Variants in PTPRK observed in about 807,000 individuals in gnomAD.
PTPRK encodes the protein receptor-type tyrosine-protein phosphatase kappa.
PTPRK carries 75 observed loss-of-function variants against 178.0 expected under a neutral mutation model. The observed-to-expected ratio is 0.42, with a 90% CI of 0.35 to 0.51. PTPRK has a LOEUF of 0.51. Ranked by LOEUF, PTPRK falls within the 20% of genes least tolerant of loss-of-function variation. The pLI is 0.02. For missense variants in PTPRK, 1,441 were observed against 1,797.8 expected (o/e 0.80, Z 3.59); for synonymous variants, 637 against 620.6 (o/e 1.03, Z -0.39).
intron 5 of PTPRK, among the ~76,000 whole-genome samples, chr6:128,237,370 G>C (rs1392783051): frequency 6.6e-6 from 1 of 152,144 alleles, no homozygotes; most frequent in Non-Finnish European, 1.5e-5. Flanking sequence ...CTTTCATTGA[G>C]TGCTTCAAGT....
At chr6:128,321,956 G>A (rs187230249) in intron 3 of PTPRK, 83 bp downstream of exon 3, 1 of 1,568,270 alleles carries the variant, frequency 6.4e-7, no homozygotes, top group East Asian at 2.2e-5. Flanking sequence ...ATTACCATGA[G>A]ATGCATATTT....
chr6:128,216,174 C>T (rs927953169), intron 6 of PTPRK, among the ~76,000 whole-genome samples: 1 of 152,008 alleles, frequency 6.6e-6, no homozygotes, highest in African/African-American at 2.4e-5. Flanking sequence ...ATTCAAAATG[C>T]CATCATCTTT....
At chr6:128,479,206 T>A (rs984857726) in intron 1 of PTPRK, among the ~76,000 whole-genome samples, 8 of 152,030 alleles carry the variant, frequency 5.3e-5, no homozygotes, top group African/African-American at 1.9e-4. Context: ...TTCCCCAGCA[T>A]CAATAAAACT....
In PTPRK at chr6:128,229,521, T is replaced by A. The variant is rs114914677; in HGVS notation, c.694-10425A>T. ...CAGAACCTGCATCGTTATCTTGAAA[T>A]ATGATTTCTTACTAAAACTAAACAG... is the stretch of plus-strand genomic sequence containing the variant. On this transcript the variant is annotated intron_variant, in intron 5 of 29. Transcript: ENST00000368226. Among the ~76,000 whole-genome samples the A allele has an allele frequency of 9.8e-3, 1,492 of 152,300 alleles. 19 individuals carry two copies. The highest frequency in any genetic ancestry group is 0.034 in the African/African-American group (1,403 of 41,558).
At chr6:128,208,298 C>CA (rs3058186) in intron 6 of PTPRK, among the ~76,000 whole-genome samples, 11,552 of 104,954 alleles carry the variant, frequency 0.11, 818 homozygotes, top group East Asian at 0.38. Context: ...CCTACACCCT[C>CA]AAAAAAAAAA....
intron 7 of PTPRK, among the ~76,000 whole-genome samples, chr6:128,172,383 C>T (rs1308416899): frequency 6.6e-6 from 1 of 151,778 alleles, no homozygotes; most frequent in Non-Finnish European, 1.5e-5. Context: ...CTTCTCTTCA[C>T]TGAAAGAGAG....
intron 6 of PTPRK, among the ~76,000 whole-genome samples, chr6:128,191,555 A>T (rs771726419): frequency 1.3e-5 from 2 of 151,984 alleles, no homozygotes; most frequent in Non-Finnish European, 2.9e-5. Flanking sequence ...CAACATTTCT[A>T]TGAGAGTAGA....
chr6:128,511,966 T>C (rs928196229), intron 1 of PTPRK, among the ~76,000 whole-genome samples: 2 of 152,166 alleles, frequency 1.3e-5, no homozygotes, highest in Non-Finnish European at 2.9e-5. Flanking sequence ...ATTTTTGCAA[T>C]TGCTTTAGGA....
At chr6:128,129,897 G>A (rs1793950743) in intron 7 of PTPRK, among the ~76,000 whole-genome samples, 1 of 152,106 alleles carries the variant, frequency 6.6e-6, no homozygotes, top group African/African-American at 2.4e-5. Flanking sequence ...AGGAAAAAAT[G>A]CCATCCAAGG....
At chr6:127,975,049 T>G (rs1188492846) in intron 27 of PTPRK, among the ~76,000 whole-genome samples, 1 of 152,130 alleles carries the variant, frequency 6.6e-6, no homozygotes, top group African/African-American at 2.4e-5. Context: ...TTTGATGCAG[T>G]TAAATATATT....
chr6:128,011,003 T>G (rs1778987274), intron 13 of PTPRK, among the ~76,000 whole-genome samples: 2 of 151,272 alleles, frequency 1.3e-5, no homozygotes. Flanking sequence ...ATGTTAGAGA[T>G]CTTTTCCTTT....
chr6:128,340,228 C>A (rs1831483734), intron 2 of PTPRK, among the ~76,000 whole-genome samples: 1 of 152,140 alleles, frequency 6.6e-6, no homozygotes, highest in Non-Finnish European at 1.5e-5. Context: ...GGATCTCTAT[C>A]AAATTTTTAA....
At chr6:128,354,302 A>G (rs1359222158) in intron 2 of PTPRK, among the ~76,000 whole-genome samples, 6 of 113,596 alleles carry the variant, frequency 5.3e-5, no homozygotes, top group Non-Finnish European at 9.9e-5. Flanking sequence ...TAGTGGCACC[A>G]TCTCGGCTCA....
chr6:128,241,948 AT>A (rs1202951832), intron 4 of PTPRK, among the ~76,000 whole-genome samples: 259 of 126,218 alleles, frequency 2.1e-3, no homozygotes, highest in Middle Eastern at 4.0e-3. Flanking sequence ...CGCCTGGCTA[AT>A]TTTTTTTTTT....
Position 128,375,407 on chromosome 6 carries a change from A to T in PTPRK, c.223+22159T>A, listed in dbSNP as rs189449722. 8.1e-3 allele frequency among the ~76,000 whole-genome samples: 1,178 copies of T among 145,344 alleles called. 14 individuals carry two copies. Among genetic ancestry groups the T allele is most frequent in the African/African-American group, 0.024 (930 of 39,250 alleles). On this transcript the variant is annotated intron_variant, in intron 2 of 29. Transcript: ENST00000368226. ...GCTTGTGCAGGGAAACAACCTTTTTAAAAAAAAAAACATCAGATCTCATGA... is the reference window on the plus strand; with the variant it reads ...GCTTGTGCAGGGAAACAACCTTTTTTAAAAAAAAAACATCAGATCTCATGA...
At chr6:128,403,799 T>C (rs1011209028) in intron 1 of PTPRK, among the ~76,000 whole-genome samples, 1 of 152,186 alleles carries the variant, frequency 6.6e-6, no homozygotes. Flanking sequence ...TCATCATATA[T>C]ACTTTCAAAC....
Position 128,077,213 on chromosome 6 carries a change from T to C in PTPRK, c.1883+1600A>G, listed in dbSNP as rs190705367. Among the ~76,000 whole-genome samples the C allele has an allele frequency of 3.6e-3, 541 of 152,072 alleles. 2 individuals carry two copies. The highest frequency in any genetic ancestry group is 0.012 in the African/African-American group (511 of 41,540). ...GAACATGTGAATGACCCTGATTACTTGTCAATAGGAAAAGATGTTGAGTGC... is the reference window on the plus strand; with the variant it reads ...GAACATGTGAATGACCCTGATTACTCGTCAATAGGAAAAGATGTTGAGTGC... On this transcript the variant is annotated intron_variant, in intron 11 of 29. Coordinates refer to ENST00000368226, the MANE Select transcript of PTPRK (RefSeq NM_002844.4).
intron 6 of PTPRK, among the ~76,000 whole-genome samples, chr6:128,218,544 T>C (rs1809776048): frequency 6.6e-6 from 1 of 152,226 alleles, no homozygotes; most frequent in African/African-American, 2.4e-5. Context: ...ACTTGGACCT[T>C]GACTTCATTG....
At chr6:128,211,587 A>G (rs1808188720) in intron 6 of PTPRK, among the ~76,000 whole-genome samples, 1 of 151,974 alleles carries the variant, frequency 6.6e-6, no homozygotes, top group Non-Finnish European at 1.5e-5. Flanking sequence ...CATTTTATGC[A>G]TTTTTTTGTT....
Sources: allele counts gnomAD v4.1 joint callset (sites outside exome capture counted in the v4.1 genomes callset), GRCh38; gene constraint gnomAD v4.1.1; transcripts MANE v1.5; gene names NCBI Gene and HGNC (gene_info 2026-07-23, HGNC 2026-07-21).